KALRN: variants seen among roughly 807,000 people sequenced by gnomAD.
The protein encoded by KALRN is kalirin.
In KALRN, 70 loss-of-function variants were observed where a neutral mutation model predicts 353.7. That is an observed-to-expected ratio of 0.20 (90% CI 0.16 to 0.24). The LOEUF (loss-of-function observed/expected upper bound fraction) is 0.24. Among genes scored for constraint, KALRN ranks in the 10% least tolerant of loss-of-function variants. The pLI is 1.00. For synonymous variants in KALRN, 1,391 were observed against 1,434.8 expected (o/e 0.97, Z 0.69); for missense variants, 2,791 against 3,756.7 (o/e 0.74, Z 6.72).
At chr3:124,476,395 T>C (rs2061430063) in intron 26 of KALRN, among the ~76,000 whole-genome samples, 1 of 151,442 alleles carries the variant, frequency 6.6e-6, no homozygotes, top group Admixed American at 6.6e-5. Flanking sequence ...TGTATAGAGG[T>C]CTCATGAGGA....
At chr3:124,270,471 A>G (rs2074012199) in intron 5 of KALRN, among the ~76,000 whole-genome samples, 1 of 152,156 alleles carries the variant, frequency 6.6e-6, no homozygotes, top group Non-Finnish European at 1.5e-5. Flanking sequence ...TCTCTGTATA[A>G]TTTTATAATG....
chr3:124,094,996 A>C (rs2061346544), intron 1 of KALRN: 1 of 1,210,364 alleles, frequency 8.3e-7, no homozygotes, highest in Non-Finnish European at 1.2e-6. Context: ...CACAGCAGAG[A>C]GGGGAGGGGG....
chr3:124,361,429 A>G (rs774751480), intron 10 of KALRN, among the ~76,000 whole-genome samples: 10 of 152,236 alleles, frequency 6.6e-5, no homozygotes, highest in Non-Finnish European at 1.5e-4. Flanking sequence ...AGGTACATTT[A>G]GTAACCAGTT....
chr3:124,545,958 C>T (rs1394944025), intron 33 of KALRN, among the ~76,000 whole-genome samples: 3 of 152,170 alleles, frequency 2.0e-5, no homozygotes, highest in Non-Finnish European at 4.4e-5. Flanking sequence ...AGAGATCACA[C>T]ATAGGAATTT....
intron 33 of KALRN, among the ~76,000 whole-genome samples, chr3:124,529,944 C>G (rs2067902394): frequency 6.6e-6 from 1 of 152,096 alleles, no homozygotes; most frequent in African/African-American, 2.4e-5. Flanking sequence ...AGTTGGTTAC[C>G]AATGAGAAAG....
chr3:124,337,064 C>G lies in KALRN; in HGVS notation c.1647+2569C>G, dbSNP rs1049759116. Among the ~76,000 whole-genome samples, 12 of 152,208 alleles carry G rather than the reference C, an allele frequency of 7.9e-5. No homozygotes were observed. In the East Asian group the frequency reaches 2.3e-3, roughly 29 times the overall value. ...ATCAGCTTAAGATTTTGGGCCGAGA[C>G]GATGGGGTTTTCTAAATGTATAATC... On this transcript the variant is annotated intron_variant, in intron 9 of 59. Transcript: ENST00000682506.
intron 1 of KALRN, among the ~76,000 whole-genome samples, chr3:124,050,442 A>G (rs1275485377): frequency 3.3e-5 from 5 of 152,302 alleles, no homozygotes; most frequent in East Asian, 1.9e-4. Context: ...TCTGTTCACC[A>G]CCATCCTCTC....
At chr3:124,630,773 C>G (rs2080681641) in intron 34 of KALRN, among the ~76,000 whole-genome samples, 1 of 152,058 alleles carries the variant, frequency 6.6e-6, no homozygotes, top group African/African-American at 2.4e-5. Context: ...CAAGCATATA[C>G]GATTGAAAAT....
intron 10 of KALRN, among the ~76,000 whole-genome samples, chr3:124,367,033 C>T (rs1417988780): frequency 4.9e-5 from 7 of 142,792 alleles, no homozygotes; most frequent in South Asian, 4.4e-4. Context: ...ACCTCCCTCC[C>T]GGACGGGGCG....
At chr3:124,707,297 A>G (rs142944024) in intron 57 of KALRN, among the ~76,000 whole-genome samples, 3 of 152,334 alleles carry the variant, frequency 2.0e-5, no homozygotes, top group African/African-American at 7.2e-5. Context: ...ACTGCATTCC[A>G]GCCTGGGCAA....
intron 1 of KALRN, among the ~76,000 whole-genome samples, chr3:124,142,258 T>TC (rs769901677): frequency 1.1e-4 from 17 of 152,154 alleles, no homozygotes; most frequent in Non-Finnish European, 2.2e-4. Flanking sequence ...GCCACAGGCT[T>TC]CCCCAAGCAG....
At chr3:124,482,693 T>C (rs2062111304) in intron 27 of KALRN, 115 bp from the exon 28 acceptor site, 2 of 724,590 alleles carry the variant, frequency 2.8e-6, no homozygotes, top group Admixed American at 2.0e-5. Flanking sequence ...TTCTCATACT[T>C]GTCTACCTTT....
At chr3:124,478,223 G>A (rs1012047113) in intron 27 of KALRN, among the ~76,000 whole-genome samples, 3 of 152,226 alleles carry the variant, frequency 2.0e-5, no homozygotes, top group African/African-American at 7.2e-5. Flanking sequence ...AGTCATATCA[G>A]AAGTGACAGA....
At position 124,405,891 on chromosome 3, in the gene KALRN, G is replaced by A. The variant is rs187444849; in HGVS notation, c.2346+7020G>A. The stretch of plus-strand genomic sequence containing the variant: ...GATCTCCTGACCTCGTGATCCGCCC[G>A]CCTCGGCCTCCCAAAGTACTGGGAT... On this transcript the variant is annotated intron_variant, in intron 13 of 59. Transcript: ENST00000682506. 1.4e-4 allele frequency among the ~76,000 whole-genome samples: 22 copies of A among 152,184 alleles called. No individual in the cohort carries two copies. The East Asian group carries it at 2.3e-3, about 16-fold the overall frequency.
chr3:124,609,872 T>A (rs1481728191), intron 34 of KALRN, among the ~76,000 whole-genome samples: 2 of 152,192 alleles, frequency 1.3e-5, no homozygotes, highest in African/African-American at 4.8e-5. Context: ...AAACTGAGGT[T>A]CAGAAAGGTA....
intron 23 of KALRN, among the ~76,000 whole-genome samples, chr3:124,457,442 A>C (rs2059430594): frequency 6.6e-6 from 1 of 152,062 alleles, no homozygotes; most frequent in African/African-American, 2.4e-5. Flanking sequence ...TATTTGCAAA[A>C]ACTTCCCATA....
intron 5 of KALRN, among the ~76,000 whole-genome samples, chr3:124,287,102 T>G (rs2075982048): frequency 6.6e-6 from 1 of 152,216 alleles, no homozygotes; most frequent in South Asian, 2.1e-4. Context: ...CATGTGGCTC[T>G]TATTCCTATA....
chr3:124,659,862 AT>A (rs890188427), intron 43 of KALRN, among the ~76,000 whole-genome samples: 2 of 148,670 alleles, frequency 1.3e-5, no homozygotes, highest in African/African-American at 4.9e-5. Context: ...GATTTTATAT[AT>A]ATATAAAATC....
chr3:124,585,594 G>C (rs1392274054), intron 34 of KALRN, among the ~76,000 whole-genome samples: 1 of 152,122 alleles, frequency 6.6e-6, no homozygotes, highest in Non-Finnish European at 1.5e-5. Context: ...CGGCGAACAG[G>C]AGGGCGAGAA....
Sources: allele counts gnomAD v4.1 joint callset (sites outside exome capture counted in the v4.1 genomes callset), GRCh38; gene constraint gnomAD v4.1.1; transcripts MANE v1.5; gene names NCBI Gene and HGNC (gene_info 2026-07-23, HGNC 2026-07-21).